YES1: variants seen among roughly 807,000 people sequenced by gnomAD.
The protein encoded by YES1 is tyrosine-protein kinase Yes.
Under a neutral mutation model 70.4 loss-of-function variants are expected in YES1, and 39 were observed. The ratio of observed to expected loss-of-function variants is 0.55; its 90% confidence interval spans 0.43 to 0.72. The LOEUF (loss-of-function observed/expected upper bound fraction) is 0.72, where lower values mean the gene tolerates loss of function less well. Among genes scored for constraint, YES1 ranks in the 30% least tolerant of loss-of-function variants. The pLI is 0.00. For synonymous variants in YES1, 198 were observed against 218.6 expected (o/e 0.91, Z 0.83); for missense variants, 495 against 644.8 (o/e 0.77, Z 2.52).
intron 1 of YES1, among the ~76,000 whole-genome samples, chr18:770,485 T>G (rs1905103663): frequency 6.6e-6 from 1 of 152,144 alleles, no homozygotes; most frequent in South Asian, 2.1e-4. Flanking sequence ...CAGCAAAAAG[T>G]CAGAGACTTC....
chr18:804,893 G>A (rs1907012336), intron 1 of YES1, among the ~76,000 whole-genome samples: 1 of 97,278 alleles, frequency 1.0e-5, no homozygotes, highest in Non-Finnish European at 1.8e-5. Flanking sequence ...CAGCCTGGGC[G>A]ACAGAGTGAG....
chr18:743,144 G>A (rs1487526582), intron 7 of YES1, 47 bp from the exon 8 acceptor site: 1 of 1,547,842 alleles, frequency 6.5e-7, no homozygotes, highest in Admixed American at 2.1e-5. Context: ...AAGGATTTTA[G>A]ACCAAACTTC....
At chr18:751,880 CA>C (rs34440107) in intron 2 of YES1, 76 bp from the exon 3 acceptor site, 81,230 of 641,646 alleles carry the variant, frequency 0.13, no homozygotes, top group South Asian at 0.14. Flanking sequence ...TATTGCCAGC[CA>C]AAAAAAAAAA....
intron 1 of YES1, among the ~76,000 whole-genome samples, chr18:765,109 T>C (rs1383587815): frequency 6.6e-6 from 1 of 151,228 alleles, no homozygotes; most frequent in Non-Finnish European, 1.5e-5. Flanking sequence ...ATTAACACAA[T>C]GTTGGAGGAC....
chr18:745,417 T>A (rs550847716), intron 6 of YES1, among the ~76,000 whole-genome samples: 2 of 152,320 alleles, frequency 1.3e-5, no homozygotes, highest in East Asian at 3.9e-4. Flanking sequence ...AAATATTTGC[T>A]TTTAGGTTTA....
intron 8 of YES1, 42 bp from the exon 9 acceptor site, chr18:739,853 T>C: frequency 2.0e-6 from 3 of 1,487,110 alleles, no homozygotes; most frequent in Non-Finnish European, 2.8e-6. Flanking sequence ...TAAGCAAATC[T>C]TATATTAGGA....
chr18:740,883 A>G (rs2080209450), intron 8 of YES1, among the ~76,000 whole-genome samples: 2 of 152,082 alleles, frequency 1.3e-5, no homozygotes, highest in African/African-American at 4.8e-5. Context: ...ATGTTCCAAT[A>G]TCTTTTTTAA....
chr18:765,303 T>A (rs1205821861), intron 1 of YES1, among the ~76,000 whole-genome samples: 1 of 142,388 alleles, frequency 7.0e-6, no homozygotes, highest in Non-Finnish European at 1.5e-5. Flanking sequence ...TCTGTAGCAA[T>A]TTTTTCATTA....
chr18:798,263 A>T (rs1906642863), intron 1 of YES1: 1 of 152,220 alleles, frequency 6.6e-6, no homozygotes, highest in Admixed American at 6.5e-5. Context: ...AAGTTTCCTG[A>T]ACTACAGATT....
intron 1 of YES1, among the ~76,000 whole-genome samples, chr18:771,005 C>CAAAA (rs552105932): frequency 8.5e-6 from 1 of 117,978 alleles, no homozygotes; most frequent in Non-Finnish European, 1.8e-5. Context: ...TATCCCATCT[C>CAAAA]AAAAAAAAAA....
chr18:770,731 C>T (rs184809768), intron 1 of YES1, among the ~76,000 whole-genome samples: 1 of 152,196 alleles, frequency 6.6e-6, no homozygotes, highest in Non-Finnish European at 1.5e-5. Flanking sequence ...CAGTCCTGCA[C>T]TGCTGTTGTC....
At chr18:805,672 A>AT (rs1907062704) in intron 1 of YES1, among the ~76,000 whole-genome samples, 1 of 152,158 alleles carries the variant, frequency 6.6e-6, no homozygotes, top group Non-Finnish European at 1.5e-5. Context: ...TTATAACACC[A>AT]TATTGCCTTC....
chr18:793,464 G>C (rs1416134576), intron 1 of YES1, among the ~76,000 whole-genome samples: 2 of 152,042 alleles, frequency 1.3e-5, no homozygotes, highest in Admixed American at 1.3e-4. Flanking sequence ...AGCCTCCTGA[G>C]TAGCTAGGGC....
chr18:800,221 A>T (rs1403846912), intron 1 of YES1, among the ~76,000 whole-genome samples: 1 of 152,218 alleles, frequency 6.6e-6, no homozygotes, highest in Non-Finnish European at 1.5e-5. Context: ...TCTTTCTCTC[A>T]TGCCCATGAT....
In YES1 at chr18:756,863, G is replaced by A. The variant is rs567166361; in HGVS notation, c.-8-28C>T. On this transcript the variant is annotated intron_variant, in intron 1 of 11. Transcript: ENST00000314574. Reference sequence around the variant, plus strand: ...ACAGAGACAATAAAATATTTTGAGAGTCAGTTAACACACAGGATACTTCAA... The same window carrying A: ...ACAGAGACAATAAAATATTTTGAGAATCAGTTAACACACAGGATACTTCAA... The A allele has an allele frequency of 3.6e-5, 57 of 1,591,438 alleles. 1 individual carries two copies. The highest frequency in any genetic ancestry group is 3.4e-4 in the South Asian group (30 of 89,340).
intron 1 of YES1, among the ~76,000 whole-genome samples, chr18:764,623 C>T (rs544800096): frequency 6.6e-6 from 1 of 152,310 alleles, no homozygotes; most frequent in Non-Finnish European, 1.5e-5. Context: ...GTTTTAGGTT[C>T]ATGCTGTGAA....
chr18:759,579 A>T (rs1904469191), intron 1 of YES1, among the ~76,000 whole-genome samples: 1 of 152,190 alleles, frequency 6.6e-6, no homozygotes, highest in South Asian at 2.1e-4. Flanking sequence ...GTTTCAGAAA[A>T]AAATTGTGTC....
rs1390490296 is a variant in YES1, at chr18:728,541, CTT to C, written c.1424-3911_1424-3910del. Among the ~76,000 whole-genome samples the C allele has an allele frequency of 1.1e-4, 17 of 151,878 alleles. 1 individual carries two copies. The highest frequency in any genetic ancestry group is 1.0e-3 in the South Asian group (5 of 4,814). ...TTTGGAGCATTTCGGTTTTTTTTCT[CTT>C]TGAGATGAAGTCTTGCTCTGTTGCC... On this transcript the variant is annotated intron_variant, in intron 11 of 11. Transcript: ENST00000314574.
intron 1 of YES1, among the ~76,000 whole-genome samples, chr18:764,462 T>C (rs2145761280): frequency 6.6e-6 from 1 of 152,302 alleles, no homozygotes; most frequent in South Asian, 2.1e-4. Context: ...CCTCAAGTGA[T>C]CCACCTGCCT....
Sources: allele counts gnomAD v4.1 joint callset (sites outside exome capture counted in the v4.1 genomes callset), GRCh38; gene constraint gnomAD v4.1.1; transcripts MANE v1.5; gene names NCBI Gene and HGNC (gene_info 2026-07-23, HGNC 2026-07-21).